TIAM1: variants seen among roughly 807,000 people sequenced by gnomAD.
The protein encoded by TIAM1 is TIAM Rac1 associated GEF 1, also known as rho guanine nucleotide exchange factor TIAM1.
Under a neutral mutation model 163.5 loss-of-function variants are expected in TIAM1, and 65 were observed. That is an observed-to-expected ratio of 0.40 (90% CI 0.33 to 0.49). The LOEUF is 0.49. TIAM1 is among the 20% of genes least tolerant of loss of function. The pLI, the probability that TIAM1 is intolerant of heterozygous loss-of-function variation, is 0.77. For synonymous variants in TIAM1, 833 were observed against 810.1 expected, an observed-to-expected ratio of 1.03 and a Z score of -0.48; for missense variants, 1,789 against 2,044.7, an observed-to-expected ratio of 0.87 and a Z score of 2.41.
Position 31,266,671 on chromosome 21 carries a change from A to T in TIAM1, c.302T>A (p.Val101Glu). 3 of 1,614,214 alleles carry T rather than the reference A, an allele frequency of 1.9e-6. No homozygotes were observed. The highest frequency in any genetic ancestry group is 2.5e-6 in the Non-Finnish European group (3 of 1,180,042). The change falls in exon 4 of 28, where the codon GTG (valine) becomes GAG (glutamate). Residue 101 changes from valine (V) to glutamate (E), a missense_variant. By Grantham distance (121) the Val-to-Glu change is moderately radical (BLOSUM62 -2). This residue lies in a region of TIAM1 where 555 missense variants were observed against 564.9 expected (regional missense o/e 0.98). Coordinates refer to ENST00000541036, the MANE Select transcript of TIAM1 (RefSeq NM_001353694.2). ...AGTGACAGAAGAGTCAGTGTAAGAC[A>T]CAGGTCTCAAGCCCATGTCCACTCG... ...VDRVDMGLRP[V>E]SYTDSSVTPS...
At chr21:31,408,360 C>A (rs2077285826) in intron 2 of TIAM1, among the ~76,000 whole-genome samples, 1 of 152,050 alleles carries the variant, frequency 6.6e-6, no homozygotes. Flanking sequence ...AGGGGACAAG[C>A]CAGGATGGTG....
chr21:31,466,028 G>A (rs1015994575), intron 1 of TIAM1, among the ~76,000 whole-genome samples: 9 of 152,200 alleles, frequency 5.9e-5, no homozygotes, highest in Non-Finnish European at 1.2e-4. Flanking sequence ...TTGATATTCA[G>A]GCGAGGTTGA....
At chr21:31,348,441 C>T (rs2076183575), upstream of TIAM1, among the ~76,000 whole-genome samples, 1 of 152,212 alleles carries the variant, frequency 6.6e-6, no homozygotes, top group Non-Finnish European at 1.5e-5. Flanking sequence ...AGGTGATACG[C>T]AACAGGGGTG....
At chr21:31,162,993 G>A (rs1458112248) in intron 16 of TIAM1, among the ~76,000 whole-genome samples, 1 of 152,074 alleles carries the variant, frequency 6.6e-6, no homozygotes, top group Non-Finnish European at 1.5e-5. Context: ...TCCACTGCCA[G>A]AACCTCATAT....
intron 10 of TIAM1, among the ~76,000 whole-genome samples, chr21:31,211,221 C>T (rs911354778): frequency 5.9e-5 from 9 of 152,060 alleles, no homozygotes; most frequent in Admixed American, 6.6e-5. Flanking sequence ...GGTCGGAAGT[C>T]CTCCTTTAGC....
chr21:31,490,986 GTGGTGGTGCGTGCC>G (rs2046448690), intron 1 of TIAM1, among the ~76,000 whole-genome samples: 1 of 152,174 alleles, frequency 6.6e-6, no homozygotes, highest in Non-Finnish European at 1.5e-5. Flanking sequence ...TTAGCCGGGC[GTGGTGGTGCGTGCC>G]TGTAATCCCA....
At chr21:31,358,135 G>A (rs1023540530) in intron 2 of TIAM1, among the ~76,000 whole-genome samples, 1 of 152,154 alleles carries the variant, frequency 6.6e-6, no homozygotes, top group African/African-American at 2.4e-5. Flanking sequence ...CCTGTCTCAG[G>A]GCAGAGGGCG....
chr21:31,266,392 G>C lies in TIAM1; in HGVS notation c.581C>G (p.Thr194Arg), dbSNP rs1203361835. Reference sequence around the variant, plus strand: ...GGAACCCAAGATTTCTTCGTTGCTTGTTAAATGTTCTTGGCTCAGATCAGA... The same window carrying C: ...GGAACCCAAGATTTCTTCGTTGCTTCTTAAATGTTCTTGGCTCAGATCAGA... ...SLSDLSQEHLTSNEEILGSAE... is the reference protein window; with the variant it reads ...SLSDLSQEHLRSNEEILGSAE... The change falls in exon 4 of 28, where the codon ACA becomes AGA. Residue 194 changes from threonine (T) to arginine (R), a missense_variant. By Grantham distance (71) the Thr-to-Arg change is moderately conservative. Coordinates refer to ENST00000541036, the MANE Select transcript of TIAM1 (RefSeq NM_001353694.2). The C allele has an allele frequency of 1.2e-6, 2 of 1,614,226 alleles. No individual in the cohort carries two copies. The highest frequency in any genetic ancestry group is 1.3e-5 in the African/African-American group (1 of 75,052).
intron 2 of TIAM1, among the ~76,000 whole-genome samples, chr21:31,451,736 T>C (rs1174879652): frequency 1.0e-4 from 15 of 149,664 alleles, no homozygotes; most frequent in East Asian, 7.9e-4. Context: ...TGTGTGTGTG[T>C]GTGTGTGTGT....
chr21:31,256,234 TGTGCTAATG>T (rs1409162068), intron 4 of TIAM1, among the ~76,000 whole-genome samples: 1 of 152,218 alleles, frequency 6.6e-6, no homozygotes, highest in Non-Finnish European at 1.5e-5. Flanking sequence ...AGAGGTTTTC[TGTGCTAATG>T]ATGTGCGAAC....
At chr21:31,181,916 C>G (rs2085048798) in intron 15 of TIAM1, among the ~76,000 whole-genome samples, 2 of 150,510 alleles carry the variant, frequency 1.3e-5, no homozygotes, top group Admixed American at 1.3e-4. Context: ...TCCCAAGTAG[C>G]TGGAACTACA....
At position 31,339,263 on chromosome 21, in the gene TIAM1, C is replaced by T. The variant is rs748307799; in HGVS notation, c.-209G>A. ...CTTACCCCATTGGAAACAGAAGAGG[C>T]TTTGTCAAGATCTCCAAATGGGCCA... On this transcript the variant is annotated 5_prime_UTR_variant, in exon 2 of 28. Coordinates refer to ENST00000541036, the MANE Select transcript of TIAM1 (RefSeq NM_001353694.2). 7.5e-6 allele frequency: 3 copies of T among 398,342 alleles called. No individual in the cohort carries two copies. Among genetic ancestry groups the T allele is most frequent in the Non-Finnish European group, 8.8e-6 (2 of 226,018 alleles). The allele number at this position is 398,342 out of a possible 1,614,324, so 24.7% of individuals were successfully genotyped here.
At chr21:31,370,647 T>C (rs1347417637) in intron 2 of TIAM1, among the ~76,000 whole-genome samples, 1 of 152,076 alleles carries the variant, frequency 6.6e-6, no homozygotes, top group Non-Finnish European at 1.5e-5. Context: ...AAAAAGGTTT[T>C]CAAAAAACAA....
intron 9 of TIAM1, among the ~76,000 whole-genome samples, chr21:31,217,107 T>G (rs2087260546): frequency 6.6e-6 from 1 of 151,802 alleles, no homozygotes; most frequent in African/African-American, 2.4e-5. Context: ...CTCGGGAGGC[T>G]GAGGCAGAAG....
chr21:31,138,552 A>G (rs2082711949), intron 22 of TIAM1, among the ~76,000 whole-genome samples: 2 of 152,208 alleles, frequency 1.3e-5, no homozygotes, highest in Non-Finnish European at 2.9e-5. Flanking sequence ...GAAAATCTGA[A>G]TATAATTTGG....
intron 2 of TIAM1, among the ~76,000 whole-genome samples, chr21:31,293,106 G>A (rs1463302855): frequency 6.6e-6 from 1 of 152,194 alleles, no homozygotes. Context: ...CTACAGGTGT[G>A]AGCCACCGTG....
At chr21:31,139,560 CAT>C (rs532357078) in intron 22 of TIAM1, among the ~76,000 whole-genome samples, 2 of 152,032 alleles carry the variant, frequency 1.3e-5, no homozygotes, top group Non-Finnish European at 2.9e-5. Flanking sequence ...GTCTTGAAAC[CAT>C]AGTTTTCTTC....
At chr21:31,410,010 A>C (rs2077318550) in intron 2 of TIAM1, among the ~76,000 whole-genome samples, 4 of 152,140 alleles carry the variant, frequency 2.6e-5, no homozygotes, top group Admixed American at 2.6e-4. Context: ...CAGCCAGGGA[A>C]ACGCAGCAAC....
chr21:31,339,277 C>A lies in TIAM1; in HGVS notation c.-223G>T. 1 of 398,564 alleles carries A rather than the reference C, an allele frequency of 2.5e-6. No homozygotes were observed. Among genetic ancestry groups the A allele is most frequent in the South Asian group, 1.3e-4 (1 of 7,844 alleles). The allele number at this position is 398,564 out of a possible 1,614,324, so 24.7% of individuals were successfully genotyped here. ...AACAGAAGAGGCTTTGTCAAGATCTCCAAATGGGCCATCTGCAGGGACTGC... is the reference window on the plus strand; with the variant it reads ...AACAGAAGAGGCTTTGTCAAGATCTACAAATGGGCCATCTGCAGGGACTGC... On this transcript the variant is annotated 5_prime_UTR_variant, in exon 2 of 28. An upstream open reading frame in the 5' UTR gains an earlier in-frame stop. Coordinates refer to ENST00000541036, the MANE Select transcript of TIAM1 (RefSeq NM_001353694.2).
Sources: allele counts gnomAD v4.1 joint callset (sites outside exome capture counted in the v4.1 genomes callset), GRCh38; gene constraint gnomAD v4.1.1; regional missense constraint gnomAD v4.1.1; transcripts MANE v1.5; gene names NCBI Gene and HGNC (gene_info 2026-07-23, HGNC 2026-07-21).